ZNF385D: variants seen among roughly 807,000 people sequenced by gnomAD.
ZNF385D encodes the protein zinc finger protein 659.
In ZNF385D, 15 loss-of-function variants were observed where a neutral mutation model predicts 35.8. The observed-to-expected ratio is 0.42, with a 90% CI of 0.28 to 0.64. The LOEUF is 0.64. ZNF385D is among the 30% of genes least tolerant of loss of function. The pLI, the probability that ZNF385D is intolerant of heterozygous loss-of-function variation, is 0.23. For synonymous variants in ZNF385D, 212 were observed against 186.8 expected (o/e 1.13, Z -1.10); for missense variants, 474 against 494.6 (o/e 0.96, Z 0.39).
At chr3:22,157,170 C>T (rs1432261938) in intron 3 of ZNF385D, among the ~76,000 whole-genome samples, 6 of 152,076 alleles carry the variant, frequency 3.9e-5, no homozygotes, top group African/African-American at 4.8e-5. Context: ...TACCTCTTTC[C>T]AGTTACATGA....
At chr3:22,207,773 G>A (rs1056977211) in intron 2 of ZNF385D, among the ~76,000 whole-genome samples, 2 of 151,870 alleles carry the variant, frequency 1.3e-5, no homozygotes, top group Admixed American at 1.3e-4. Context: ...AATTAAAAAT[G>A]GGCAAAAGAT....
chr3:21,544,979 G>A (rs2062321347), intron 3 of ZNF385D, among the ~76,000 whole-genome samples: 1 of 152,152 alleles, frequency 6.6e-6, no homozygotes, highest in Non-Finnish European at 1.5e-5. Context: ...CCAAAATGAT[G>A]TTCAATCTTC....
chr3:22,330,754 G>A (rs1694894779), intron 2 of ZNF385D, among the ~76,000 whole-genome samples: 1 of 152,174 alleles, frequency 6.6e-6, no homozygotes, highest in African/African-American at 2.4e-5. Context: ...TTGAATATTT[G>A]TTGAATGAAT....
chr3:21,592,557 C>CA (rs67997432), intron 2 of ZNF385D, among the ~76,000 whole-genome samples: 28 of 114,858 alleles, frequency 2.4e-4, no homozygotes, highest in Non-Finnish European at 2.3e-4. Context: ...AAAAAAAAAC[C>CA]AAAAACAAAA....
At chr3:21,934,102 C>A (rs1282886423) in intron 3 of ZNF385D, among the ~76,000 whole-genome samples, 1 of 151,928 alleles carries the variant, frequency 6.6e-6, no homozygotes, top group African/African-American at 2.4e-5. Flanking sequence ...ATCGAGCATG[C>A]TTTTCAGCCA....
chr3:21,829,753 G>A (rs1209922045), intron 3 of ZNF385D, among the ~76,000 whole-genome samples: 1 of 151,602 alleles, frequency 6.6e-6, no homozygotes, highest in Admixed American at 6.6e-5. Flanking sequence ...AAATATATAC[G>A]GTTGGTGCAA....
At chr3:21,849,616 T>C (rs1157124064) in intron 3 of ZNF385D, 3 of 141,988 alleles carry the variant, frequency 2.1e-5, no homozygotes, top group South Asian at 2.3e-4. Context: ...TTTTTTTTTT[T>C]TTTTTTTTTT....
intron 3 of ZNF385D, among the ~76,000 whole-genome samples, chr3:21,951,861 T>A (rs1183191353): frequency 6.6e-6 from 1 of 151,720 alleles, no homozygotes; most frequent in Non-Finnish European, 1.5e-5. Flanking sequence ...GGAAAAAGAA[T>A]AGAAAGAAAA....
chr3:22,232,899 C>T (rs1698978227), intron 2 of ZNF385D, among the ~76,000 whole-genome samples: 1 of 152,166 alleles, frequency 6.6e-6, no homozygotes, highest in East Asian at 1.9e-4. Context: ...ATTTCAATTT[C>T]ACTGGATTCT....
At chr3:21,595,996 G>C (rs1331303311) in intron 2 of ZNF385D, among the ~76,000 whole-genome samples, 3 of 152,178 alleles carry the variant, frequency 2.0e-5, no homozygotes, top group African/African-American at 7.2e-5. Flanking sequence ...AGAAGCACAA[G>C]TATCAATGCA....
chr3:22,275,367 T>C (rs60633000), intron 2 of ZNF385D, among the ~76,000 whole-genome samples: 55 of 152,240 alleles, frequency 3.6e-4, no homozygotes, highest in African/African-American at 1.3e-3. Context: ...ACATGAGAGT[T>C]TGAGAACAGT....
intron 2 of ZNF385D, chr3:22,169,090 A>G (rs1706520218): frequency 3.6e-6 from 3 of 822,146 alleles, no homozygotes; most frequent in African/African-American, 1.9e-5. Context: ...AGATTACTGC[A>G]TATTTATTAA....
chr3:21,494,324 C>T lies in ZNF385D; in HGVS notation c.439+16537G>A, dbSNP rs557802780. On this transcript the variant is annotated intron_variant, in intron 4 of 7. Coordinates refer to ENST00000281523, the MANE Select transcript of ZNF385D (RefSeq NM_024697.3). ...AAACTGTAGGCAGGCACATTAGAGC[C>T]TTTTAACAGTTACAGGGTCTTATGT... Among the ~76,000 whole-genome samples the T allele has an allele frequency of 3.1e-4, 47 of 152,200 alleles. 1 individual carries two copies. In the South Asian group the frequency reaches 5.8e-3, roughly 19 times the overall value.
At chr3:21,778,879 T>C (rs1049713733) in intron 3 of ZNF385D, among the ~76,000 whole-genome samples, 1 of 151,924 alleles carries the variant, frequency 6.6e-6, no homozygotes, top group Non-Finnish European at 1.5e-5. Context: ...GTCTGGCACA[T>C]AGTCTGGAAC....
At chr3:22,132,925 A>G (rs1703886081) in intron 3 of ZNF385D, among the ~76,000 whole-genome samples, 1 of 152,138 alleles carries the variant, frequency 6.6e-6, no homozygotes, top group Admixed American at 6.6e-5. Context: ...TTAACTTATG[A>G]AAATGTAACT....
chr3:21,764,309 A>C (rs1463754583), intron 3 of ZNF385D, among the ~76,000 whole-genome samples: 1 of 152,152 alleles, frequency 6.6e-6, no homozygotes, highest in Admixed American at 6.6e-5. Flanking sequence ...AGTTTGAAAG[A>C]AACTGTGAAC....
intron 4 of ZNF385D, among the ~76,000 whole-genome samples, chr3:21,454,618 C>T (rs1702671961): frequency 6.6e-6 from 1 of 152,086 alleles, no homozygotes; most frequent in South Asian, 2.1e-4. Flanking sequence ...TTATGACAAA[C>T]CCACAGCCAA....
At chr3:22,195,074 G>C (rs1472645466) in intron 2 of ZNF385D, among the ~76,000 whole-genome samples, 1 of 151,676 alleles carries the variant, frequency 6.6e-6, no homozygotes, top group Non-Finnish European at 1.5e-5. Flanking sequence ...GTATTATTTT[G>C]AATTTCTACC....
At position 21,419,061 on chromosome 3, in the gene ZNF385D, A is replaced by G. The variant is rs1379097822; in HGVS notation, c.*2153T>C. 6.6e-6 allele frequency: 1 copy of G among 152,224 alleles called. No homozygotes were observed. The highest frequency in any genetic ancestry group is 1.5e-5 in the Non-Finnish European group (1 of 68,036). 9.4% of individuals were successfully genotyped at this position (152,224 alleles called of 1,614,324 possible). A position where few individuals can be genotyped will look rare whatever the true frequency, so the allele number is the denominator to read the frequency against. On this transcript the variant is annotated 3_prime_UTR_variant, in exon 8 of 8. Transcript: ENST00000281523. ...TTCAAAACAAATTTTAATGCTAATC[A>G]ATATATTTAACCAGAGAAGCATGGT...
Sources: allele counts gnomAD v4.1 joint callset (sites outside exome capture counted in the v4.1 genomes callset), GRCh38; gene constraint gnomAD v4.1.1; transcripts MANE v1.5; gene names NCBI Gene and HGNC (gene_info 2026-07-23, HGNC 2026-07-21).